CLSTN2: variants seen among roughly 807,000 people sequenced by gnomAD.
The protein encoded by CLSTN2 is calsyntenin-2.
Under a neutral mutation model 101.2 loss-of-function variants are expected in CLSTN2, and 48 were observed. The observed-to-expected ratio is 0.47, with a 90% CI of 0.38 to 0.60. The LOEUF (loss-of-function observed/expected upper bound fraction) is 0.60. CLSTN2 is among the 20% of genes least tolerant of loss of function. The pLI is 0.00. For synonymous variants in CLSTN2, 481 were observed against 463.6 expected (o/e 1.04, Z -0.48); for missense variants, 1,160 against 1,238.2 (o/e 0.94, Z 0.95).
chr3:140,105,664 T>C (rs1157561676), intron 1 of CLSTN2, among the ~76,000 whole-genome samples: 2 of 152,190 alleles, frequency 1.3e-5, no homozygotes, highest in Non-Finnish European at 2.9e-5. Context: ...CAGGGTGGGA[T>C]GCTGTTTCAT....
chr3:140,556,675 G>A lies in CLSTN2; in HGVS notation c.1823+14G>A, dbSNP rs996067677. The A allele has an allele frequency of 3.7e-6, 6 of 1,612,930 alleles. No homozygotes were observed. The African/African-American group carries it at 6.7e-5, about 18-fold the overall frequency. ...CTCCAAAGTCCAGTGAGTGGACGCT[G>A]GTCAGCCTGGGGCCAACTGAGGCAG... On this transcript the variant is annotated intron_variant, in intron 11 of 16. Transcript: ENST00000458420.
At chr3:140,222,924 T>C (rs896854758) in intron 2 of CLSTN2, among the ~76,000 whole-genome samples, 3 of 151,592 alleles carry the variant, frequency 2.0e-5, no homozygotes, top group Non-Finnish European at 4.4e-5. Flanking sequence ...AAATGCCTTA[T>C]ATCTTTCTAT....
At chr3:140,474,955 C>CTGTGTTGCAGAGGCTGTA (rs1482003025) in intron 8 of CLSTN2, among the ~76,000 whole-genome samples, 31 of 150,890 alleles carry the variant, frequency 2.1e-4, no homozygotes, top group East Asian at 3.9e-4. Context: ...TGGAAAGAAG[C>CTGTGTTGCAGAGGCTGTA]CCCCACTACA....
At chr3:140,551,607 C>A (rs1031450336) in intron 10 of CLSTN2, among the ~76,000 whole-genome samples, 77 of 152,240 alleles carry the variant, frequency 5.1e-4, no homozygotes, top group African/African-American at 1.8e-3. Flanking sequence ...GAGACGTAGG[C>A]AGGGGCCACA....
chr3:140,235,364 T>C (rs903332847), intron 2 of CLSTN2, among the ~76,000 whole-genome samples: 1 of 152,148 alleles, frequency 6.6e-6, no homozygotes, highest in African/African-American at 2.4e-5. Context: ...AGGTCAGCCA[T>C]GTAGCCCTCC....
chr3:140,320,852 G>A (rs1238168944), intron 2 of CLSTN2, among the ~76,000 whole-genome samples: 2 of 152,114 alleles, frequency 1.3e-5, no homozygotes, highest in East Asian at 3.9e-4. Context: ...AGTGAGGGAA[G>A]GCAGGAACAG....
chr3:140,101,883 A>G (rs1435276845), intron 1 of CLSTN2, among the ~76,000 whole-genome samples: 2 of 152,244 alleles, frequency 1.3e-5, no homozygotes, highest in African/African-American at 4.8e-5. Context: ...GCTGGCCAGA[A>G]CTAGTCATGT....
At chr3:140,032,899 A>G (rs891373322) in intron 1 of CLSTN2, among the ~76,000 whole-genome samples, 2 of 152,202 alleles carry the variant, frequency 1.3e-5, no homozygotes, top group African/African-American at 4.8e-5. Flanking sequence ...TCTGTGAGCA[A>G]ACTGAAAAGT....
At chr3:140,121,508 G>A (rs2009340740) in intron 1 of CLSTN2, among the ~76,000 whole-genome samples, 1 of 152,184 alleles carries the variant, frequency 6.6e-6, no homozygotes, top group Admixed American at 6.5e-5. Context: ...CATATAGTAA[G>A]CTTCCTCTCC....
At chr3:139,990,799 T>G (rs2107828024) in intron 1 of CLSTN2, among the ~76,000 whole-genome samples, 1 of 152,274 alleles carries the variant, frequency 6.6e-6, no homozygotes, top group Admixed American at 6.5e-5. Flanking sequence ...ACTGTAATGG[T>G]TTAATTCACT....
chr3:140,246,782 TC>T (rs1296660574), intron 2 of CLSTN2, among the ~76,000 whole-genome samples: 2 of 152,002 alleles, frequency 1.3e-5, no homozygotes, highest in South Asian at 2.1e-4. Flanking sequence ...TCCAGAAGTG[TC>T]GGGCTTTTTA....
In CLSTN2 at chr3:140,046,030, G is replaced by C. The variant is rs369189042; in HGVS notation, c.109+110547G>C. 6.6e-5 allele frequency among the ~76,000 whole-genome samples: 10 copies of C among 152,290 alleles called. No homozygotes were observed. The East Asian group carries it at 1.9e-3, about 29-fold the overall frequency. On this transcript the variant is annotated intron_variant, in intron 1 of 16. Transcript: ENST00000458420. ...TGGAGAGTTCTGTAAATGTCTATTA[G>C]GTCCGCTTGGTGCAGAGCTGCGTTC... is the stretch of plus-strand genomic sequence containing the variant.
intron 8 of CLSTN2, among the ~76,000 whole-genome samples, chr3:140,502,793 G>C (rs1181717124): frequency 6.6e-6 from 1 of 152,204 alleles, no homozygotes; most frequent in Non-Finnish European, 1.5e-5. Context: ...AAATCAGTTT[G>C]TGTAGAGAAG....
chr3:140,211,025 T>C (rs897810717), intron 2 of CLSTN2, among the ~76,000 whole-genome samples: 1 of 152,076 alleles, frequency 6.6e-6, no homozygotes, highest in Admixed American at 6.6e-5. Context: ...AAGAAAGATT[T>C]TGTAGGCTTG....
chr3:140,273,314 C>A lies in CLSTN2; in HGVS notation c.232+97241C>A, dbSNP rs144134004. On this transcript the variant is annotated intron_variant, in intron 2 of 16. Coordinates refer to ENST00000458420, the MANE Select transcript of CLSTN2 (RefSeq NM_022131.3). ...TGATAGTTGCAGCAAACCACCATGG[C>A]ACATGTATACCTACATAACAAACTT... Among the ~76,000 whole-genome samples, 1,273 of 152,106 alleles carry A rather than the reference C, an allele frequency of 8.4e-3. 24 individuals are homozygous for A. Among genetic ancestry groups the A allele is most frequent in the African/African-American group, 0.029 (1,208 of 41,482 alleles).
At chr3:140,237,157 A>C (rs1323506978) in intron 2 of CLSTN2, among the ~76,000 whole-genome samples, 1 of 152,134 alleles carries the variant, frequency 6.6e-6, no homozygotes, top group African/African-American at 2.4e-5. Flanking sequence ...TCTGGAATGC[A>C]CTTAAATTAT....
At chr3:140,052,744 C>A (rs936180197) in intron 1 of CLSTN2, among the ~76,000 whole-genome samples, 4 of 152,194 alleles carry the variant, frequency 2.6e-5, no homozygotes, top group Admixed American at 1.3e-4. Context: ...CCAGCTGATA[C>A]GTGAAAAAAC....
intron 2 of CLSTN2, among the ~76,000 whole-genome samples, chr3:140,210,474 A>G (rs1576468320): frequency 6.6e-6 from 1 of 152,172 alleles, no homozygotes; most frequent in East Asian, 1.9e-4. Flanking sequence ...CCCACATGAT[A>G]CACACCCTGC....
At chr3:140,055,568 G>A (rs983097464) in intron 1 of CLSTN2, among the ~76,000 whole-genome samples, 1 of 152,206 alleles carries the variant, frequency 6.6e-6, no homozygotes, top group African/African-American at 2.4e-5. Flanking sequence ...ATGCAACAAG[G>A]AAATAACAAT....
Sources: allele counts gnomAD v4.1 joint callset (sites outside exome capture counted in the v4.1 genomes callset), GRCh38; gene constraint gnomAD v4.1.1; transcripts MANE v1.5; gene names NCBI Gene and HGNC (gene_info 2026-07-23, HGNC 2026-07-21).